Variants in MIS18A observed in about 807,000 individuals in gnomAD.
MIS18A encodes MIS18 kinetochore protein A.
Under a neutral mutation model 25.0 loss-of-function variants are expected in MIS18A, and 14 were observed. The ratio of observed to expected loss-of-function variants is 0.56; its 90% CI spans 0.37 to 0.88. The LOEUF is 0.88. Ranked by LOEUF, MIS18A falls within the 40% of genes least tolerant of loss-of-function variation. The pLI is 0.00. For missense variants in MIS18A, 292 were observed against 290.8 expected (o/e 1.00, Z -0.03); for synonymous variants, 134 against 118.6 (o/e 1.13, Z -0.84).
chr21:32,165,608 A>G, the MIS18A span, among the ~76,000 whole-genome samples: 74 of 152,160 alleles, frequency 4.9e-4, 1 homozygote, highest in African/African-American at 1.7e-3. Context: ...CTGGTTTAAA[A>G]AAAAAAAGGA....
chr21:32,227,921 A>G, the MIS18A span, among the ~76,000 whole-genome samples: 2 of 152,234 alleles, frequency 1.3e-5, no homozygotes, highest in South Asian at 2.1e-4. Context: ...GCAATATGTC[A>G]TATTAATAAA....
chr21:32,208,566 A>G, the MIS18A span, among the ~76,000 whole-genome samples: 2 of 152,334 alleles, frequency 1.3e-5, no homozygotes, highest in African/African-American at 2.4e-5. Flanking sequence ...TGAGCCAATT[A>G]AACCTCTTTT....
At chr21:32,186,818 T>C in the MIS18A span, among the ~76,000 whole-genome samples, 1 of 152,284 alleles carries the variant, frequency 6.6e-6, no homozygotes, top group East Asian at 1.9e-4. Context: ...AAGGCAATGG[T>C]TGGCGAAGTA....
chr21:32,236,538 T>A, the MIS18A span, among the ~76,000 whole-genome samples: 2 of 152,196 alleles, frequency 1.3e-5, no homozygotes, highest in Non-Finnish European at 2.9e-5. Context: ...GGCAGCTCAA[T>A]GGCATAGCTC....
the MIS18A span, among the ~76,000 whole-genome samples, chr21:32,204,161 T>A: frequency 6.6e-6 from 1 of 152,030 alleles, no homozygotes; most frequent in East Asian, 1.9e-4. Flanking sequence ...AATAACAAGC[T>A]GCTGATGGAG....
At chr21:32,235,167 CT>C in the MIS18A span, among the ~76,000 whole-genome samples, 1 of 152,204 alleles carries the variant, frequency 6.6e-6, no homozygotes, top group African/African-American at 2.4e-5. Context: ...CATTTCCTGG[CT>C]GCTATGAATG....
downstream of MIS18A, among the ~76,000 whole-genome samples, chr21:32,266,826 C>T (rs1409217008): frequency 6.6e-6 from 1 of 152,156 alleles, no homozygotes; most frequent in Non-Finnish European, 1.5e-5. Context: ...TGCTTCTGGA[C>T]CCTTACTCCT....
At chr21:32,243,331 TA>T in the MIS18A span, among the ~76,000 whole-genome samples, 1 of 152,000 alleles carries the variant, frequency 6.6e-6, no homozygotes, top group South Asian at 2.1e-4. Context: ...TTTAAATACC[TA>T]AAAAAAGAGT....
chr21:32,255,046 C>T, the MIS18A span, among the ~76,000 whole-genome samples: 2 of 152,144 alleles, frequency 1.3e-5, no homozygotes, highest in Non-Finnish European at 2.9e-5. Flanking sequence ...ATATGCACAG[C>T]AAGCTGTCCT....
the MIS18A span, among the ~76,000 whole-genome samples, chr21:32,177,103 T>G: frequency 9.9e-5 from 15 of 152,068 alleles, no homozygotes; most frequent in African/African-American, 3.6e-4. Flanking sequence ...AAAAGGAGAA[T>G]CCTTCGTGAT....
chr21:32,266,624 A>G (rs1038619165), downstream of MIS18A, among the ~76,000 whole-genome samples: 3 of 151,822 alleles, frequency 2.0e-5, no homozygotes, highest in Admixed American at 2.0e-4. Flanking sequence ...ACTCACCGCG[A>G]AGGTCTGCAG....
the MIS18A span, among the ~76,000 whole-genome samples, chr21:32,206,881 C>G: frequency 6.6e-6 from 1 of 152,176 alleles, no homozygotes; most frequent in African/African-American, 2.4e-5. Context: ...CACACTACAC[C>G]TGATACATCA....
chr21:32,158,633 C>A, the MIS18A span, among the ~76,000 whole-genome samples: 5 of 152,168 alleles, frequency 3.3e-5, no homozygotes, highest in Admixed American at 1.3e-4. Context: ...CACCACCATG[C>A]CCAGCTAATT....
the MIS18A span, among the ~76,000 whole-genome samples, chr21:32,198,208 G>A: frequency 6.6e-6 from 1 of 152,238 alleles, no homozygotes; most frequent in Non-Finnish European, 1.5e-5. Flanking sequence ...TATGGGAAGG[G>A]AAGGAAAGAG....
At chr21:32,173,205 C>T in the MIS18A span, among the ~76,000 whole-genome samples, 2 of 152,130 alleles carry the variant, frequency 1.3e-5, no homozygotes, top group South Asian at 4.1e-4. Context: ...GGAATGAATG[C>T]TCAGTATCAC....
At chr21:32,278,583 GC>G in intron 1 of MIS18A, 97 bp downstream of exon 1, 1 of 1,259,092 alleles carries the variant, frequency 7.9e-7, no homozygotes, top group Non-Finnish European at 1.1e-6. Flanking sequence ...TCCCTGGGCA[GC>G]CCCAAGGAGC....
At chr21:32,195,650 ATTTATT>A in the MIS18A span, among the ~76,000 whole-genome samples, 74 of 152,270 alleles carry the variant, frequency 4.9e-4, no homozygotes, top group African/African-American at 1.8e-3. Context: ...GAGTGTGTTT[ATTTATT>A]TTTAATTATG....
chr21:32,185,921 G>T, the MIS18A span, among the ~76,000 whole-genome samples: 1 of 152,170 alleles, frequency 6.6e-6, no homozygotes, highest in Non-Finnish European at 1.5e-5. Flanking sequence ...GGTCTCACCT[G>T]TTTACGTTTT....
the MIS18A span, among the ~76,000 whole-genome samples, chr21:32,166,121 G>C: frequency 1.7e-3 from 259 of 152,256 alleles, 1 homozygote; most frequent in African/African-American, 5.8e-3. Flanking sequence ...CAAAAGAGAC[G>C]CACAGGACAA....
Sources: gnomAD v4.1 joint callset for allele counts (sites outside exome capture counted in the v4.1 genomes callset) on GRCh38, gnomAD v4.1.1 for gene constraint, MANE v1.5 for transcripts, NCBI Gene and HGNC (gene_info 2026-07-23, HGNC 2026-07-21) for gene names.